Variants in HIVEP3 observed in about 807,000 individuals in gnomAD.
HIVEP3 encodes HIVEP zinc finger 3.
HIVEP3 carries 49 observed loss-of-function variants against 152.8 expected under a neutral mutation model. The ratio of observed to expected loss-of-function variants is 0.32; its 90% CI spans 0.26 to 0.41. HIVEP3 has a LOEUF of 0.41. Among genes scored for constraint, HIVEP3 ranks in the 10% least tolerant of loss-of-function variants. The probability of loss-of-function intolerance (pLI) is 1.00; values close to 1 mark genes in which losing one functional copy is unlikely to be tolerated. For synonymous variants in HIVEP3, 1,269 were observed against 1,289.0 expected (o/e 0.98, Z 0.33); for missense variants, 2,790 against 3,103.3 (o/e 0.90, Z 2.40).
In HIVEP3 at chr1:41,664,022, C is replaced by A. The variant is rs1645757504; in HGVS notation, c.-720-35075G>T. Among the ~76,000 whole-genome samples, 1 of 152,218 alleles carries A rather than the reference C, an allele frequency of 6.6e-6. No homozygotes were observed. The highest frequency in any genetic ancestry group is 6.5e-5 in the Admixed American group (1 of 15,282). On this transcript the variant is annotated intron_variant, in intron 2 of 8. Transcript: ENST00000372583. This position sits in a 1 kb window ranked among gnomAD's most constrained non-coding sequence, Gnocchi z 4.4. ...CATCCTGCCATTTGCCCAGCCACCA[C>A]CCCCAACACGCACCACTTTGCACCA...
At chr1:42,020,460 G>A (rs1645547251) in intron 1 of HIVEP3, among the ~76,000 whole-genome samples, 1 of 146,776 alleles carries the variant, frequency 6.8e-6, no homozygotes, top group East Asian at 2.0e-4. Context: ...TTTGGAATTT[G>A]TTTATTTCAT....
intron 2 of HIVEP3, among the ~76,000 whole-genome samples, chr1:41,633,936 A>G (rs753757669): frequency 3.9e-5 from 6 of 152,202 alleles, no homozygotes; most frequent in African/African-American, 7.2e-5. Context: ...GGCATTTGAC[A>G]GTCTCTACAA....
At chr1:41,879,281 T>C (rs1644223909) in intron 1 of HIVEP3, among the ~76,000 whole-genome samples, 1 of 152,182 alleles carries the variant, frequency 6.6e-6, no homozygotes. Flanking sequence ...GTGGCCTCTC[T>C]CAACTGCACA....
intron 1 of HIVEP3, chr1:41,847,962 A>G (rs954094232): frequency 2.0e-5 from 3 of 152,336 alleles, no homozygotes; most frequent in African/African-American, 7.2e-5. Flanking sequence ...TAACAATGAA[A>G]CAGATATGAC....
intron 1 of HIVEP3, among the ~76,000 whole-genome samples, chr1:41,794,347 C>G (rs945292340): frequency 6.6e-6 from 1 of 152,088 alleles, no homozygotes; most frequent in Admixed American, 6.5e-5. Flanking sequence ...ACCCTTGACA[C>G]GTGGGAATTA....
At chr1:41,558,171 G>C (rs981005682) in intron 5 of HIVEP3, among the ~76,000 whole-genome samples, 9 of 152,172 alleles carry the variant, frequency 5.9e-5, no homozygotes, top group Admixed American at 5.2e-4. Flanking sequence ...TCCTCCCTGT[G>C]AGTCCTCAGG....
chr1:41,921,090 C>T (rs2124475120), upstream of HIVEP3, among the ~76,000 whole-genome samples: 1 of 152,314 alleles, frequency 6.6e-6, no homozygotes, highest in Admixed American at 6.5e-5. Flanking sequence ...TCCACTATTT[C>T]CATACGGGGG....
intron 8 of HIVEP3, among the ~76,000 whole-genome samples, chr1:41,512,473 T>C (rs1343762719): frequency 6.6e-6 from 1 of 152,228 alleles, no homozygotes; most frequent in Non-Finnish European, 1.5e-5. Flanking sequence ...TGAAGAACTG[T>C]GAGCCTATTC....
chr1:41,908,973 T>A (rs1423086735), intron 1 of HIVEP3, among the ~76,000 whole-genome samples: 1 of 152,130 alleles, frequency 6.6e-6, no homozygotes, highest in South Asian at 2.1e-4. Flanking sequence ...AATATATACC[T>A]AGATACGCTT....
chr1:41,884,257 C>T (rs892854239), intron 1 of HIVEP3, among the ~76,000 whole-genome samples: 3 of 152,174 alleles, frequency 2.0e-5, no homozygotes, highest in Admixed American at 6.5e-5. Context: ...TGAGCCACCA[C>T]GTCATGAGCC....
chr1:41,984,261 T>C (rs1265980919), intron 1 of HIVEP3, among the ~76,000 whole-genome samples: 1 of 152,190 alleles, frequency 6.6e-6, no homozygotes, highest in African/African-American at 2.4e-5. Flanking sequence ...CATGAGCCAC[T>C]GCACTGGGCC....
intron 1 of HIVEP3, among the ~76,000 whole-genome samples, chr1:41,946,143 G>A (rs185636837): frequency 6.6e-6 from 1 of 152,194 alleles, no homozygotes; most frequent in South Asian, 2.1e-4. Flanking sequence ...TTCCAGTGCA[G>A]TCTACAAGGA....
intron 1 of HIVEP3, among the ~76,000 whole-genome samples, chr1:41,739,106 GC>G (rs1458482827): frequency 6.6e-6 from 1 of 152,244 alleles, no homozygotes; most frequent in Non-Finnish European, 1.5e-5. Flanking sequence ...GTGAATCGAT[GC>G]CCCCGACTTG....
At chr1:41,648,775 A>C (rs1166246863) in intron 2 of HIVEP3, among the ~76,000 whole-genome samples, 1 of 152,252 alleles carries the variant, frequency 6.6e-6, no homozygotes, top group Non-Finnish European at 1.5e-5. Flanking sequence ...TGACTTGCCC[A>C]AAGTCATGGC....
Position 41,656,213 on chromosome 1 carries a change from C to T in HIVEP3, c.-720-27266G>A, listed in dbSNP as rs562434961. Among the ~76,000 whole-genome samples the T allele has an allele frequency of 3.1e-3, 478 of 152,272 alleles. 1 individual carries two copies. The highest frequency in any genetic ancestry group is 6.8e-3 in the Middle Eastern group (2 of 294). Reference sequence around the variant, plus strand: ...CCAGGCTAGAAAAAGCTGGTAAAATCCCCACAGCCCCACACGCAGCCAGTT... The same window carrying T: ...CCAGGCTAGAAAAAGCTGGTAAAATTCCCACAGCCCCACACGCAGCCAGTT... On this transcript the variant is annotated intron_variant, in intron 2 of 8. Coordinates refer to ENST00000372583, the MANE Select transcript of HIVEP3 (RefSeq NM_024503.5).
chr1:41,889,799 T>C (rs536414526), intron 1 of HIVEP3, among the ~76,000 whole-genome samples: 8 of 152,324 alleles, frequency 5.3e-5, no homozygotes, highest in African/African-American at 1.4e-4. Context: ...CCCAAGGTGA[T>C]GGCTCTGGAT....
At chr1:41,920,506 A>G (rs566600297), upstream of HIVEP3, among the ~76,000 whole-genome samples, 1 of 152,182 alleles carries the variant, frequency 6.6e-6, no homozygotes, top group Non-Finnish European at 1.5e-5. Context: ...AATTTGGAGA[A>G]CTTGTTTTTG....
At chr1:41,600,109 C>G (rs903302084) in intron 3 of HIVEP3, among the ~76,000 whole-genome samples, 15 of 152,176 alleles carry the variant, frequency 9.9e-5, no homozygotes, top group African/African-American at 3.6e-4. Context: ...CTGTTGCACT[C>G]TGCTGGTAGG....
At chr1:41,644,520 A>G (rs911333273) in intron 2 of HIVEP3, among the ~76,000 whole-genome samples, 1 of 152,158 alleles carries the variant, frequency 6.6e-6, no homozygotes, top group Non-Finnish European at 1.5e-5. Context: ...AATTAAAGGA[A>G]ACAAACAGAG....
Sources: allele counts gnomAD v4.1 joint callset (sites outside exome capture counted in the v4.1 genomes callset), GRCh38; gene constraint gnomAD v4.1.1; non-coding constraint Gnocchi (gnomAD v3.1); transcripts MANE v1.5; gene names NCBI Gene and HGNC (gene_info 2026-07-23, HGNC 2026-07-21).